Variants in RBM27 observed in about 807,000 individuals in gnomAD.
RBM27 encodes RNA-binding protein 27.
A neutral mutation model predicts 135.3 loss-of-function variants in RBM27; 22 were observed. The observed-to-expected ratio is 0.16, with a 90% CI of 0.12 to 0.23. RBM27 has a LOEUF of 0.23. Ranked by LOEUF, RBM27 falls within the 10% of genes least tolerant of loss-of-function variation. The probability of loss-of-function intolerance (pLI) is 1.00; values close to 1 mark genes in which losing one functional copy is unlikely to be tolerated. For missense variants in RBM27, 1,009 were observed against 1,281.0 expected, an observed-to-expected ratio of 0.79 and a Z score of 3.24; for synonymous variants, 481 against 442.4, an observed-to-expected ratio of 1.09 and a Z score of -1.10.
intron 7 of RBM27, 112 bp from the exon 8 acceptor site, chr5:146,237,186 G>A: frequency 7.7e-7 from 1 of 1,304,322 alleles, no homozygotes; most frequent in Non-Finnish European, 1.1e-6. Flanking sequence ...TGATCCGCCT[G>A]TCTTGGCCTC....
At chr5:146,208,969 TCTTA>T (rs1251881426) in intron 1 of RBM27, among the ~76,000 whole-genome samples, 5 of 152,342 alleles carry the variant, frequency 3.3e-5, no homozygotes, top group African/African-American at 1.2e-4. Context: ...AATTTGTCTG[TCTTA>T]CTTTAATAGA....
chr5:146,229,911 G>T lies in RBM27; in HGVS notation c.589+1G>T. On this transcript the variant is annotated splice_donor_variant, in intron 5 of 20. Transcript: ENST00000265271. LOFTEE classifies it high-confidence loss of function. ...GACCGGGATCCAAATAGGAATGTTG[G>T]TGAGTAGATGAGTGTCCCCCTAAAA... is the stretch of plus-strand genomic sequence containing the variant. 1 of 1,613,820 alleles carries T rather than the reference G, an allele frequency of 6.2e-7. No individual in the cohort carries two copies.
chr5:146,282,293 A>G (rs944951123), intron 19 of RBM27, among the ~76,000 whole-genome samples: 2 of 152,212 alleles, frequency 1.3e-5, no homozygotes, highest in Non-Finnish European at 1.5e-5. Flanking sequence ...GGCGTGAGCC[A>G]CCGCACCCAG....
intron 1 of RBM27, among the ~76,000 whole-genome samples, chr5:146,209,724 A>G (rs373545047): frequency 6.6e-6 from 1 of 152,160 alleles, no homozygotes; most frequent in East Asian, 1.9e-4. Context: ...GTATATTCTT[A>G]AGTTTGGGAA....
At chr5:146,285,310 T>G (rs1313520708) in intron 20 of RBM27, among the ~76,000 whole-genome samples, 2 of 152,234 alleles carry the variant, frequency 1.3e-5, no homozygotes, top group African/African-American at 2.4e-5. Flanking sequence ...TTTTCCTGAT[T>G]TATATGACAA....
intron 1 of RBM27, among the ~76,000 whole-genome samples, chr5:146,211,464 C>CTATTTTTTTTTTTTTTTTTT (rs1755943886): frequency 2.0e-5 from 1 of 49,904 alleles, no homozygotes; most frequent in Non-Finnish European, 3.7e-5. Context: ...ATGGTCTTAT[C>CTATTTTTTTTTTTTTTTTTT]TTTTTTTTTT....
Position 146,258,430 on chromosome 5 carries a change from C to T in RBM27, c.1595-19C>T. The T allele has an allele frequency of 6.5e-7, 1 of 1,527,056 alleles. No individual in the cohort carries two copies. Among genetic ancestry groups the T allele is most frequent in the Non-Finnish European group, 8.8e-7 (1 of 1,138,038 alleles). The allele number at this position is 1,527,056 out of a possible 1,614,324, so 94.6% of individuals were successfully genotyped here. The stretch of plus-strand genomic sequence containing the variant: ...AGACTCCTGAAAAACTCAGTAATTT[C>T]AATTTTTTTTTCCAACAGCTGCTAA... On this transcript the variant is annotated intron_variant, in intron 10 of 20. Coordinates refer to ENST00000265271, the MANE Select transcript of RBM27 (RefSeq NM_018989.2).
At chr5:146,269,186 A>G (rs912483531) in intron 15 of RBM27, 21 bp from the exon 16 acceptor site, 5 of 1,546,250 alleles carry the variant, frequency 3.2e-6, no homozygotes, top group Non-Finnish European at 3.5e-6. Context: ...ATCTGTATTA[A>G]TTTCTTTTTT....
At chr5:146,212,036 CTTTGGTTTT>C (rs1755981905) in intron 1 of RBM27, among the ~76,000 whole-genome samples, 1 of 151,896 alleles carries the variant, frequency 6.6e-6, no homozygotes, top group Non-Finnish European at 1.5e-5. Flanking sequence ...ATAACCATCA[CTTTGGTTTT>C]TTTGGTTTTT....
At chr5:146,282,881 C>T (rs953573622) in intron 19 of RBM27, among the ~76,000 whole-genome samples, 14 of 152,138 alleles carry the variant, frequency 9.2e-5, no homozygotes, top group African/African-American at 3.4e-4. Flanking sequence ...TATCTTTATT[C>T]TAATTGCTAA....
chr5:146,209,553 C>CTA (rs1377073299), intron 1 of RBM27, among the ~76,000 whole-genome samples: 5 of 152,148 alleles, frequency 3.3e-5, no homozygotes, highest in African/African-American at 1.2e-4. Flanking sequence ...TGGTTGAACT[C>CTA]TAGAGTTTAC....
intron 8 of RBM27, among the ~76,000 whole-genome samples, chr5:146,238,739 T>G (rs963763350): frequency 3.3e-5 from 5 of 152,094 alleles, no homozygotes; most frequent in Non-Finnish European, 7.4e-5. Context: ...ATAAAGTTTA[T>G]TTTGCATCCT....
At chr5:146,236,146 T>C (rs940247560) in intron 7 of RBM27, among the ~76,000 whole-genome samples, 1 of 152,224 alleles carries the variant, frequency 6.6e-6, no homozygotes, top group African/African-American at 2.4e-5. Flanking sequence ...AAAAGTTAAA[T>C]TCAAGAATAC....
chr5:146,212,540 A>G (rs1379229078), intron 1 of RBM27, among the ~76,000 whole-genome samples: 2 of 150,654 alleles, frequency 1.3e-5, no homozygotes, highest in Non-Finnish European at 2.9e-5. Context: ...TTTTTTAGAG[A>G]TGGAGGTCTC....
intron 4 of RBM27, 135 bp from the exon 5 acceptor site, chr5:146,229,582 T>C: frequency 3.0e-6 from 2 of 673,794 alleles, no homozygotes; most frequent in Admixed American, 2.6e-5. Flanking sequence ...AGAGGAATTA[T>C]GTGGTAGATT....
chr5:146,221,973 C>T (rs1756479890), intron 2 of RBM27, among the ~76,000 whole-genome samples: 1 of 151,752 alleles, frequency 6.6e-6, no homozygotes, highest in Admixed American at 6.6e-5. Context: ...TCTTTGGTTT[C>T]CCAGAGAATA....
In RBM27 at chr5:146,288,400, T is replaced by G. The variant is rs887458967; in HGVS notation, c.*2370T>G. On this transcript the variant is annotated 3_prime_UTR_variant, in exon 21 of 21. Transcript: ENST00000265271. Reference sequence around the variant, plus strand: ...AACAGGACTAAAAATACTTTAAAAGTGTGCTTTCAAAGAATTTTAAAACAT... The same window carrying G: ...AACAGGACTAAAAATACTTTAAAAGGGTGCTTTCAAAGAATTTTAAAACAT... 2 of 152,058 alleles carry G rather than the reference T, an allele frequency of 1.3e-5. No homozygotes were observed. Among genetic ancestry groups the G allele is most frequent in the Non-Finnish European group, 2.9e-5 (2 of 67,932 alleles). 9.4% of individuals were successfully genotyped at this position (152,058 alleles called of 1,614,324 possible).
At chr5:146,208,107 C>G (rs891190881) in intron 1 of RBM27, among the ~76,000 whole-genome samples, 2 of 151,888 alleles carry the variant, frequency 1.3e-5, no homozygotes, top group African/African-American at 4.8e-5. Flanking sequence ...CAGGTGCCCG[C>G]CACTACGCCC....
chr5:146,275,536 G>T (rs1246634139), intron 19 of RBM27, among the ~76,000 whole-genome samples: 1 of 152,022 alleles, frequency 6.6e-6, no homozygotes, highest in Non-Finnish European at 1.5e-5. Context: ...CAAAGTGCTA[G>T]GATTATAGGC....
Sources: gnomAD v4.1 joint callset for allele counts (sites outside exome capture counted in the v4.1 genomes callset) on GRCh38, gnomAD v4.1.1 for gene constraint, MANE v1.5 for transcripts, NCBI Gene and HGNC (gene_info 2026-07-23, HGNC 2026-07-21) for gene names.